Variants in DAB1 observed in about 807,000 individuals in gnomAD.
The protein encoded by DAB1 is disabled homolog 1.
In DAB1, 15 loss-of-function variants were observed where a neutral mutation model predicts 64.6. The ratio of observed to expected loss-of-function variants is 0.23; its 90% CI spans 0.16 to 0.36. The LOEUF (loss-of-function observed/expected upper bound fraction) is 0.36. DAB1 is among the 10% of genes least tolerant of loss of function. DAB1 has a pLI of 1.00. For synonymous variants in DAB1, 235 were observed against 251.9 expected, an observed-to-expected ratio of 0.93 and a Z score of 0.64; for missense variants, 596 against 706.7, an observed-to-expected ratio of 0.84 and a Z score of 1.78.
chr1:57,157,342 T>C (rs2100869269), intron 2 of DAB1, among the ~76,000 whole-genome samples: 1 of 152,266 alleles, frequency 6.6e-6, no homozygotes, highest in African/African-American at 2.4e-5. Flanking sequence ...GTGCATTAGA[T>C]ACTTAAACAT....
chr1:57,610,045 G>A (rs574653528), intron 7 of DAB1, among the ~76,000 whole-genome samples: 10 of 152,246 alleles, frequency 6.6e-5, no homozygotes, highest in African/African-American at 2.2e-4. Flanking sequence ...GCTGCTCCCT[G>A]TGGCTCCTCA....
chr1:58,205,555 T>C (rs1445953006), intron 4 of DAB1, among the ~76,000 whole-genome samples: 1 of 152,208 alleles, frequency 6.6e-6, no homozygotes, highest in Non-Finnish European at 1.5e-5. Context: ...GGACCTAAAG[T>C]AGGTTTTAAT....
chr1:57,675,105 C>A (rs143787794), intron 6 of DAB1, among the ~76,000 whole-genome samples: 1 of 152,310 alleles, frequency 6.6e-6, no homozygotes, highest in East Asian at 1.9e-4. Context: ...GCCCAGAGAT[C>A]CTGGATTCTC....
chr1:57,504,637 C>T (rs1047242325), intron 7 of DAB1, among the ~76,000 whole-genome samples: 4 of 152,094 alleles, frequency 2.6e-5, no homozygotes, highest in Non-Finnish European at 5.9e-5. Flanking sequence ...AGAAGTAGAG[C>T]AAAACTTCAT....
chr1:57,677,155 A>G (rs186610532), intron 6 of DAB1, among the ~76,000 whole-genome samples: 126 of 152,302 alleles, frequency 8.3e-4, no homozygotes, highest in African/African-American at 2.9e-3. Context: ...GAAGGTGGCC[A>G]CCTGTGAAAC....
At chr1:58,242,537 T>C (rs1300274113) in intron 4 of DAB1, among the ~76,000 whole-genome samples, 1 of 152,136 alleles carries the variant, frequency 6.6e-6, no homozygotes, top group Non-Finnish European at 1.5e-5. Flanking sequence ...GAAAGAATGG[T>C]CACCAAATTA....
intron 4 of DAB1, among the ~76,000 whole-genome samples, chr1:58,202,405 G>A (rs1658046320): frequency 6.6e-6 from 1 of 152,166 alleles, no homozygotes; most frequent in African/African-American, 2.4e-5. Context: ...AAGTGCCAAG[G>A]TCACTGTAGC....
At chr1:57,843,898 G>T (rs1358758934) in intron 1 of DAB1, among the ~76,000 whole-genome samples, 1 of 152,168 alleles carries the variant, frequency 6.6e-6, no homozygotes, top group Non-Finnish European at 1.5e-5. Context: ...TCAGGATGTG[G>T]TATATAGAAA....
intron 7 of DAB1, among the ~76,000 whole-genome samples, chr1:57,446,331 C>T (rs2101143527): frequency 6.6e-6 from 1 of 152,238 alleles, no homozygotes; most frequent in South Asian, 2.1e-4. Context: ...GGCGTGGTGG[C>T]TCATGCCTGT....
intron 3 of DAB1, among the ~76,000 whole-genome samples, chr1:58,379,375 A>C (rs897305665): frequency 6.6e-6 from 1 of 152,222 alleles, no homozygotes; most frequent in Non-Finnish European, 1.5e-5. Context: ...ATGAAATACA[A>C]AATTTATTTG....
intron 3 of DAB1, among the ~76,000 whole-genome samples, chr1:58,428,252 C>A (rs2100234830): frequency 6.6e-6 from 1 of 152,310 alleles, no homozygotes; most frequent in South Asian, 2.1e-4. Flanking sequence ...TGTTTCCCAT[C>A]AGACACCAGC....
At chr1:58,120,257 C>A (rs2100670932) in intron 5 of DAB1, among the ~76,000 whole-genome samples, 1 of 152,166 alleles carries the variant, frequency 6.6e-6, no homozygotes, top group East Asian at 1.9e-4. Context: ...AAATAATGAC[C>A]TCAAAGTGCC....
At chr1:57,236,956 G>T (rs1668129516) in intron 2 of DAB1, among the ~76,000 whole-genome samples, 1 of 152,178 alleles carries the variant, frequency 6.6e-6, no homozygotes, top group Admixed American at 6.5e-5. Flanking sequence ...TTAAAATGTG[G>T]CAAGCACAAC....
In DAB1 at chr1:58,260,518, C is replaced by A. The variant is rs893140186; in HGVS notation, n.309+82834G>T. 3.3e-5 allele frequency among the ~76,000 whole-genome samples: 5 copies of A among 152,254 alleles called. No individual in the cohort carries two copies. In the East Asian group the frequency reaches 9.7e-4, roughly 29 times the overall value. ...CCTCTCCTCAATATCATCCTTATTG[C>A]CTAATCATTAGCCTAAAGTAATGCG... On this transcript the variant is annotated intron_variant and non_coding_transcript_variant, in intron 4 of 20. Transcript: ENST00000485760.
intron 6 of DAB1, among the ~76,000 whole-genome samples, chr1:57,656,623 A>C (rs548757882): frequency 6.6e-6 from 1 of 152,294 alleles, no homozygotes; most frequent in African/African-American, 2.4e-5. Context: ...CTCCCAAAAA[A>C]CCACAGAAAT....
chr1:57,979,732 C>T lies in DAB1; in HGVS notation n.388-95570G>A, dbSNP rs1250044887. Among the ~76,000 whole-genome samples, 6 of 152,072 alleles carry T rather than the reference C, an allele frequency of 3.9e-5. 1 individual carries two copies. The South Asian group carries it at 6.2e-4, about 16-fold the overall frequency. Reference sequence around the variant, plus strand: ...ACATTATGTTAAGTACATTGATAACCCACCTAAGTCTCATTTTACTCATCT... The same window carrying T: ...ACATTATGTTAAGTACATTGATAACTCACCTAAGTCTCATTTTACTCATCT... On this transcript the variant is annotated intron_variant and non_coding_transcript_variant, in intron 5 of 20. Transcript: ENST00000485760.
chr1:58,162,940 T>G (rs886669439), intron 4 of DAB1, among the ~76,000 whole-genome samples: 3 of 152,162 alleles, frequency 2.0e-5, no homozygotes, highest in Admixed American at 6.5e-5. Context: ...CAGTCTTAAT[T>G]GTCACAACTG....
intron 9 of DAB1, among the ~76,000 whole-genome samples, chr1:57,037,358 G>T (rs1240590117): frequency 2.0e-5 from 3 of 152,156 alleles, no homozygotes; most frequent in African/African-American, 7.2e-5. Flanking sequence ...AATAACACAT[G>T]GTCCTTCTTT....
chr1:57,567,630 A>G (rs1645139503), intron 7 of DAB1, among the ~76,000 whole-genome samples: 2 of 152,252 alleles, frequency 1.3e-5, no homozygotes, highest in Admixed American at 6.5e-5. Flanking sequence ...TTATACACCA[A>G]TAACAGACAA....
Sources: allele counts gnomAD v4.1 joint callset (sites outside exome capture counted in the v4.1 genomes callset), GRCh38; gene constraint gnomAD v4.1.1; transcripts MANE v1.5; gene names NCBI Gene and HGNC (gene_info 2026-07-23, HGNC 2026-07-21).